Variants in FBXO8 observed in about 807,000 individuals in gnomAD.
FBXO8 encodes F-box protein 8.
FBXO8 carries 15 observed loss-of-function variants against 33.4 expected under a neutral mutation model. That is an observed-to-expected ratio of 0.45 (90% CI 0.30 to 0.69). FBXO8 has a LOEUF of 0.69. FBXO8 is among the 30% of genes least tolerant of loss of function. FBXO8 has a pLI of 0.08. For missense variants in FBXO8, 274 were observed against 380.3 expected (o/e 0.72, Z 2.32); for synonymous variants, 132 against 131.5 (o/e 1.00, Z -0.02).
rs1736669058 is a variant in FBXO8 at position 174,265,304 on chromosome 4, GCTTTTTATTTAGGTA to G, written c.-8-2219_-8-2205del. 1.4e-5 allele frequency among the ~76,000 whole-genome samples: 2 copies of G among 140,734 alleles called. No individual in the cohort carries two copies. Among genetic ancestry groups the G allele is most frequent in the Non-Finnish European group, 3.1e-5 (2 of 63,582 alleles). The allele number at this position is 140,734 out of a possible 152,430, so 92.3% of individuals were successfully genotyped here. A position where few individuals can be genotyped will look rare whatever the true frequency, so the allele number is the denominator to read the frequency against. On this transcript the variant is annotated intron_variant, in intron 1 of 5. Transcript: ENST00000393674. The surrounding 1 kb of genome is among the most constrained non-coding windows in gnomAD (Gnocchi z 4.7). ...TATTTAGGTATTTACCTAATTAAAA[GCTTTTTATTTAGGTA>G]TTTACCTAATTAAAAGCTTTTTATT...
At position 174,278,352 on chromosome 4, in the gene FBXO8, A is replaced by G. The variant is rs540781925; in HGVS notation, c.-9+5058T>C. 7.2e-5 allele frequency among the ~76,000 whole-genome samples: 11 copies of G among 152,206 alleles called. No individual in the cohort carries two copies. Among genetic ancestry groups the G allele is most frequent in the Middle Eastern group, 3.4e-3 (1 of 294 alleles). ...GGTTTTTTTTAATTCAAAAAGATTT[A>G]CAATATTACTTTGTTCCCTGAAGGT... On this transcript the variant is annotated intron_variant, in intron 1 of 5. Coordinates refer to ENST00000393674, the MANE Select transcript of FBXO8 (RefSeq NM_012180.3). This position sits in a 1 kb window ranked among gnomAD's most constrained non-coding sequence, Gnocchi z 4.1.
At position 174,255,738 on chromosome 4, in the gene FBXO8, A is replaced by G. The variant is rs1307239888; in HGVS notation, c.456+3961T>C. On this transcript the variant is annotated intron_variant, in intron 3 of 5. Coordinates refer to ENST00000393674, the MANE Select transcript of FBXO8 (RefSeq NM_012180.3). This position sits in a 1 kb window ranked among gnomAD's most constrained non-coding sequence, Gnocchi z 4.3. ...TCAGATCCTAAATTTAAAAATAACT[A>G]CGTCAAGAAAGTGTTTTAATATACA... 7.2e-5 allele frequency among the ~76,000 whole-genome samples: 11 copies of G among 152,210 alleles called. No homozygotes were observed. Among genetic ancestry groups the G allele is most frequent in the Admixed American group, 7.2e-4 (11 of 15,268 alleles).
chr4:174,258,038 A>G (rs577426081), intron 3 of FBXO8, among the ~76,000 whole-genome samples: 1 of 152,270 alleles, frequency 6.6e-6, no homozygotes, highest in Admixed American at 6.5e-5. Flanking sequence ...TGAAAAATAT[A>G]TATTTTATTA....
rs1736577312 is a variant in FBXO8 at position 174,262,104 on chromosome 4, T to A, written c.329+660A>T. On this transcript the variant is annotated intron_variant, in intron 2 of 5. Coordinates refer to ENST00000393674, the MANE Select transcript of FBXO8 (RefSeq NM_012180.3). The surrounding 1 kb of genome is among the most constrained non-coding windows in gnomAD (Gnocchi z 4.6). ...AGCAAATGTTCTTAGATTTGTGGTT[T>A]TAATTCAGACTAGTACAATGTGGAA... is the stretch of plus-strand genomic sequence containing the variant. Among the ~76,000 whole-genome samples, 2 of 152,168 alleles carry A rather than the reference T, an allele frequency of 1.3e-5. No homozygotes were observed. The highest frequency in any genetic ancestry group is 4.1e-4 in the South Asian group (2 of 4,838).
Position 174,256,138 on chromosome 4 carries a change from C to T in FBXO8, c.456+3561G>A. 2.2e-6 allele frequency: 1 copy of T among 455,856 alleles called. No homozygotes were observed. The highest frequency in any genetic ancestry group is 1.6e-5 in the South Asian group (1 of 64,468). The allele number at this position is 455,856 out of a possible 1,614,324, so 28.2% of individuals were successfully genotyped here. A position where few individuals can be genotyped will look rare whatever the true frequency, so the allele number is the denominator to read the frequency against. The stretch of plus-strand genomic sequence containing the variant: ...ACGGTGTCCTTTGGAGAATCTTGTT[C>T]CCTGTGGCTGTAAGTATTCTTATTT... On this transcript the variant is annotated intron_variant, in intron 3 of 5. Transcript: ENST00000393674. The surrounding 1 kb of genome is among the most constrained non-coding windows in gnomAD (Gnocchi z 4.6).
intron 2 of FBXO8, among the ~76,000 whole-genome samples, chr4:174,260,573 A>G (rs879464845): frequency 2.0e-5 from 3 of 152,062 alleles, no homozygotes; most frequent in Non-Finnish European, 2.9e-5. Context: ...TCAGAGTGAT[A>G]CATGATTGTT....
chr4:174,239,453 A>G (rs913073223), intron 4 of FBXO8, among the ~76,000 whole-genome samples: 2 of 151,856 alleles, frequency 1.3e-5, no homozygotes, highest in South Asian at 4.1e-4. Flanking sequence ...TAAAATGAAG[A>G]AAAAAGGAAT....
chr4:174,269,358 G>A (rs17060445), intron 1 of FBXO8, among the ~76,000 whole-genome samples: 15,653 of 151,810 alleles, frequency 0.1, 870 homozygotes, highest in Non-Finnish European at 0.12. Context: ...CAAAGCAATC[G>A]CAACTGTACA....
At chr4:174,238,948 T>A (rs1735960490) in intron 5 of FBXO8, 46 bp downstream of exon 5, 1 of 1,196,288 alleles carries the variant, frequency 8.4e-7, no homozygotes, top group Non-Finnish European at 1.1e-6. Context: ...TGTTTTTACC[T>A]AAAGATGGGC....
chr4:174,254,227 C>G lies in FBXO8; in HGVS notation c.456+5472G>C, dbSNP rs76350631. On this transcript the variant is annotated intron_variant, in intron 3 of 5. Coordinates refer to ENST00000393674, the MANE Select transcript of FBXO8 (RefSeq NM_012180.3). The surrounding 1 kb of genome is among the most constrained non-coding windows in gnomAD (Gnocchi z 4.2). ...ATATCACAGCCAAGAATTAGAATTT[C>G]GAGTTTATCTTTCTCTTTCTTTATG... Among the ~76,000 whole-genome samples, 1 of 152,148 alleles carries G rather than the reference C, an allele frequency of 6.6e-6. No homozygotes were observed. The highest frequency in any genetic ancestry group is 2.4e-5 in the African/African-American group (1 of 41,522).
Position 174,270,352 on chromosome 4 carries a change from A to T in FBXO8, c.-8-7252T>A, listed in dbSNP as rs925095408. ...TAGGAAGAGTCCAGCATTATTAAAAAATAATGCCTTTGAGAGGTATTTATC... is the reference window on the plus strand; with the variant it reads ...TAGGAAGAGTCCAGCATTATTAAAATATAATGCCTTTGAGAGGTATTTATC... On this transcript the variant is annotated intron_variant, in intron 1 of 5. Transcript: ENST00000393674. The surrounding 1 kb of genome is among the most constrained non-coding windows in gnomAD (Gnocchi z 4.6). 1.3e-5 allele frequency among the ~76,000 whole-genome samples: 2 copies of T among 152,206 alleles called. No homozygotes were observed. The highest frequency in any genetic ancestry group is 2.9e-5 in the Non-Finnish European group (2 of 68,040).
chr4:174,240,806 A>C (rs1487106054), intron 4 of FBXO8, among the ~76,000 whole-genome samples: 3 of 151,702 alleles, frequency 2.0e-5, no homozygotes, highest in African/African-American at 4.8e-5. Context: ...TGTCTTAAAA[A>C]ATCAGGGTTG....
At chr4:174,276,083 T>C (rs1156927848) in intron 1 of FBXO8, among the ~76,000 whole-genome samples, 1 of 149,900 alleles carries the variant, frequency 6.7e-6, no homozygotes, top group Non-Finnish European at 1.5e-5. Context: ...CTAATATCTG[T>C]AGAAAAATGC....
At position 174,272,636 on chromosome 4, in the gene FBXO8, A is replaced by G. The variant is rs148392835; in HGVS notation, c.-8-9536T>C. Among the ~76,000 whole-genome samples the G allele has an allele frequency of 3.5e-3, 538 of 152,318 alleles. 3 individuals are homozygous for G. The highest frequency in any genetic ancestry group is 0.017 in the Middle Eastern group (5 of 294). On this transcript the variant is annotated intron_variant, in intron 1 of 5. Transcript: ENST00000393674. The surrounding 1 kb of genome is among the most constrained non-coding windows in gnomAD (Gnocchi z 4.7). ...CTAATTAAAGAAGATAGAAAGAATA[A>G]TGTAGTTAGAAAAATTATCATTTTA...
rs1435068986 is a variant in FBXO8, at chr4:174,274,106, C to T, written c.-9+9304G>A. 6.6e-6 allele frequency among the ~76,000 whole-genome samples: 1 copy of T among 152,204 alleles called. No individual in the cohort carries two copies. Among genetic ancestry groups the T allele is most frequent in the Non-Finnish European group, 1.5e-5 (1 of 68,038 alleles). ...CTGTTTCTTCACCACTGGTTCTCAT[C>T]TCTTTTTACCCCGTCACTGTTTATT... On this transcript the variant is annotated intron_variant, in intron 1 of 5. Transcript: ENST00000393674. This position sits in a 1 kb window ranked among gnomAD's most constrained non-coding sequence, Gnocchi z 4.0.
At position 174,281,273 on chromosome 4, in the gene FBXO8, C is replaced by T. The variant is rs1310199188; in HGVS notation, c.-9+2137G>A. ...TGGCTTACTTGCTAAAATCTGGTTCCTTCATTCAAATAGCTTATGAATCCT... is the reference window on the plus strand; with the variant it reads ...TGGCTTACTTGCTAAAATCTGGTTCTTTCATTCAAATAGCTTATGAATCCT... On this transcript the variant is annotated intron_variant, in intron 1 of 5. Transcript: ENST00000393674. The surrounding 1 kb of genome is among the most constrained non-coding windows in gnomAD (Gnocchi z 4.6). 1.3e-5 allele frequency among the ~76,000 whole-genome samples: 2 copies of T among 152,120 alleles called. No homozygotes were observed.
intron 1 of FBXO8, among the ~76,000 whole-genome samples, chr4:174,264,294 T>C (rs192647589): frequency 2.6e-5 from 4 of 152,262 alleles, no homozygotes; most frequent in African/African-American, 9.6e-5. Flanking sequence ...ACTAGATATC[T>C]TTTAATCAGA....
chr4:174,259,645 C>A lies in FBXO8; in HGVS notation c.456+54G>T. On this transcript the variant is annotated intron_variant, in intron 3 of 5. Coordinates refer to ENST00000393674, the MANE Select transcript of FBXO8 (RefSeq NM_012180.3). The surrounding 1 kb of genome is among the most constrained non-coding windows in gnomAD (Gnocchi z 4.3). ...GCTAGTTTATGATATTGGAAAGCTGCAGCAAGATAGTAATAAAGGTCACTG... is the reference window on the plus strand; with the variant it reads ...GCTAGTTTATGATATTGGAAAGCTGAAGCAAGATAGTAATAAAGGTCACTG... 5 of 1,570,122 alleles carry A rather than the reference C, an allele frequency of 3.2e-6. No individual in the cohort carries two copies. The highest frequency in any genetic ancestry group is 4.3e-6 in the Non-Finnish European group (5 of 1,165,258).
chr4:174,250,915 C>A (rs1381338449), intron 3 of FBXO8, among the ~76,000 whole-genome samples: 1 of 152,030 alleles, frequency 6.6e-6, no homozygotes, highest in East Asian at 1.9e-4. Context: ...TCAAGTTTCA[C>A]TGAAACTGTG....
Sources: allele counts gnomAD v4.1 joint callset (sites outside exome capture counted in the v4.1 genomes callset), GRCh38; gene constraint gnomAD v4.1.1; non-coding constraint Gnocchi (gnomAD v3.1); transcripts MANE v1.5; gene names NCBI Gene and HGNC (gene_info 2026-07-23, HGNC 2026-07-21).